Variants in SGMS1 observed in about 807,000 individuals in gnomAD.
SGMS1 encodes the protein sphingomyelin synthase 1.
A neutral mutation model predicts 46.2 loss-of-function variants in SGMS1; 13 were observed. The observed-to-expected ratio is 0.28, with a 90% CI of 0.18 to 0.45. The LOEUF (loss-of-function observed/expected upper bound fraction) is 0.45. Among genes scored for constraint, SGMS1 ranks in the 20% least tolerant of loss-of-function variants. The pLI, the probability that SGMS1 is intolerant of heterozygous loss-of-function variation, is 1.00. For missense variants in SGMS1, 324 were observed against 519.9 expected (o/e 0.62, Z 3.66); for synonymous variants, 203 against 187.8 (o/e 1.08, Z -0.66).
intron 5 of SGMS1, among the ~76,000 whole-genome samples, chr10:50,454,251 T>C (rs1417421857): frequency 6.6e-6 from 1 of 152,024 alleles, no homozygotes; most frequent in Non-Finnish European, 1.5e-5. Flanking sequence ...AGTCTGGCCT[T>C]TATCACTCTC....
At chr10:50,346,459 GT>G (rs1285290815) in intron 6 of SGMS1, among the ~76,000 whole-genome samples, 2 of 152,006 alleles carry the variant, frequency 1.3e-5, no homozygotes, top group East Asian at 3.9e-4. Context: ...CCCTGAGTAT[GT>G]TTTTGTGAAA....
chr10:50,600,272 G>A (rs539000632), intron 1 of SGMS1, among the ~76,000 whole-genome samples: 2 of 152,310 alleles, frequency 1.3e-5, no homozygotes, highest in South Asian at 4.1e-4. Context: ...GAAAAGAGAA[G>A]GGCACTTGCT....
chr10:50,305,982 A>C lies in SGMS1; in HGVS notation c.*1160T>G, dbSNP rs1847177743. The stretch of plus-strand genomic sequence containing the variant: ...TTCTGCACAAATATCTTTTAAAGAA[A>C]TAGATCTCTTTTTTGTTGTTCACCA... On this transcript the variant is annotated 3_prime_UTR_variant, in exon 11 of 11. Coordinates refer to ENST00000361781, the MANE Select transcript of SGMS1 (RefSeq NM_147156.4). 6.5e-6 allele frequency: 1 copy of C among 152,690 alleles called. No homozygotes were observed. Among genetic ancestry groups the C allele is most frequent in the Admixed American group, 6.5e-5 (1 of 15,286 alleles). 9.5% of individuals were successfully genotyped at this position (152,690 alleles called of 1,614,324 possible). A position where few individuals can be genotyped will look rare whatever the true frequency, so the allele number is the denominator to read the frequency against.
intron 6 of SGMS1, among the ~76,000 whole-genome samples, chr10:50,391,992 G>A (rs1589420834): frequency 6.6e-6 from 1 of 151,966 alleles, no homozygotes; most frequent in South Asian, 2.1e-4. Context: ...GAGTACACAC[G>A]GACAGAAAGA....
intron 6 of SGMS1, among the ~76,000 whole-genome samples, chr10:50,426,682 A>AAGTAATG (rs1446056112): frequency 2.2e-5 from 1 of 45,304 alleles, no homozygotes; most frequent in Non-Finnish European, 5.4e-5. Flanking sequence ...AATGAAACAG[A>AAGTAATG]AAACACCAGA....
At chr10:50,395,170 G>GA (rs202006994) in intron 6 of SGMS1, among the ~76,000 whole-genome samples, 3 of 151,506 alleles carry the variant, frequency 2.0e-5, no homozygotes, top group African/African-American at 4.9e-5. Context: ...ACCTCCCCAA[G>GA]AAAAAAAACA....
chr10:50,513,893 C>A (rs1287626681), intron 3 of SGMS1, among the ~76,000 whole-genome samples: 1 of 152,090 alleles, frequency 6.6e-6, no homozygotes, highest in African/African-American at 2.4e-5. Flanking sequence ...CACAAAATGA[C>A]CCCGAAGAAA....
chr10:50,558,155 G>C (rs1838204063), intron 2 of SGMS1, among the ~76,000 whole-genome samples: 1 of 152,164 alleles, frequency 6.6e-6, no homozygotes, highest in African/African-American at 2.4e-5. Flanking sequence ...GGCTGCAGCT[G>C]TATGCTAGTA....
At chr10:50,366,298 A>G (rs878953890) in intron 6 of SGMS1, among the ~76,000 whole-genome samples, 1 of 152,190 alleles carries the variant, frequency 6.6e-6, no homozygotes, top group Admixed American at 6.5e-5. Context: ...AAGTCAGAAA[A>G]CAATAGATGC....
intron 3 of SGMS1, among the ~76,000 whole-genome samples, chr10:50,495,647 G>A (rs1223446768): frequency 6.6e-6 from 1 of 152,030 alleles, no homozygotes; most frequent in Non-Finnish European, 1.5e-5. Flanking sequence ...AAGCTCTAAG[G>A]TTTAAGTAGG....
intron 6 of SGMS1, among the ~76,000 whole-genome samples, chr10:50,395,152 G>A (rs1428150139): frequency 6.6e-6 from 1 of 152,036 alleles, no homozygotes; most frequent in East Asian, 1.9e-4. Context: ...GTGTGTGTGT[G>A]ATTAGACACC....
In SGMS1 at chr10:50,306,983, G is replaced by GA. The variant is rs1477916281; in HGVS notation, c.*158dup. On this transcript the variant is annotated 3_prime_UTR_variant, in exon 11 of 11. Transcript: ENST00000361781. ...TTGTCCAACGCAGGTCCTTTGGAGAGAAAAAAAGATCACAGTGCTGACCAG... is the reference window on the plus strand; with the variant it reads ...TTGTCCAACGCAGGTCCTTTGGAGAGAAAAAAAAGATCACAGTGCTGACCAG... 5 of 704,992 alleles carry GA rather than the reference G, an allele frequency of 7.1e-6. No individual in the cohort carries two copies. Among genetic ancestry groups the GA allele is most frequent in the South Asian group, 2.3e-5 (1 of 43,766 alleles). 43.7% of individuals were successfully genotyped at this position (704,992 alleles called of 1,614,324 possible). A position where few individuals can be genotyped will look rare whatever the true frequency, so the allele number is the denominator to read the frequency against.
intron 2 of SGMS1, among the ~76,000 whole-genome samples, chr10:50,522,500 A>G (rs866622200): frequency 4.6e-5 from 7 of 152,138 alleles, no homozygotes; most frequent in South Asian, 4.1e-4. Context: ...TATTTTGAAT[A>G]TGAGTCACAA....
intron 6 of SGMS1, among the ~76,000 whole-genome samples, chr10:50,365,688 G>GT (rs1425427205): frequency 6.6e-6 from 1 of 152,078 alleles, no homozygotes; most frequent in Non-Finnish European, 1.5e-5. Context: ...GAGGTATTTG[G>GT]TTTTCTGTTC....
chr10:50,497,750 C>T lies in SGMS1; in HGVS notation c.-498+22081G>A, dbSNP rs149888834. Reference sequence around the variant, plus strand: ...CGGAGGTTGCAGTGAGCCAAGATCGCACCATTGCACTCCAGCCTGGGCAAC... The same window carrying T: ...CGGAGGTTGCAGTGAGCCAAGATCGTACCATTGCACTCCAGCCTGGGCAAC... On this transcript the variant is annotated intron_variant, in intron 3 of 10. Coordinates refer to ENST00000361781, the MANE Select transcript of SGMS1 (RefSeq NM_147156.4). 9.8e-3 allele frequency among the ~76,000 whole-genome samples: 1,486 copies of T among 151,974 alleles called. 21 individuals are homozygous for T. Among genetic ancestry groups the T allele is most frequent in the African/African-American group, 0.033 (1,354 of 41,440 alleles).
chr10:50,368,970 G>C (rs1848392800), intron 6 of SGMS1, among the ~76,000 whole-genome samples: 1 of 152,200 alleles, frequency 6.6e-6, no homozygotes, highest in Non-Finnish European at 1.5e-5. Flanking sequence ...ACATAAAAGT[G>C]TTCACAAGTT....
At chr10:50,514,468 T>C (rs1465813332) in intron 3 of SGMS1, among the ~76,000 whole-genome samples, 1 of 152,194 alleles carries the variant, frequency 6.6e-6, no homozygotes, top group African/African-American at 2.4e-5. Context: ...CTCATATGGC[T>C]CTTATGATTA....
chr10:50,495,540 TA>T (rs1278794269), intron 3 of SGMS1, among the ~76,000 whole-genome samples: 1 of 152,106 alleles, frequency 6.6e-6, no homozygotes, highest in Non-Finnish European at 1.5e-5. Context: ...TCCCAATATT[TA>T]AATGTACATA....
At chr10:50,524,869 A>G (rs186390612) in intron 2 of SGMS1, among the ~76,000 whole-genome samples, 78 of 152,290 alleles carry the variant, frequency 5.1e-4, no homozygotes, top group African/African-American at 1.6e-3. Context: ...AAGGGTAAAA[A>G]TAAGATGAGA....
Sources: allele counts gnomAD v4.1 joint callset (sites outside exome capture counted in the v4.1 genomes callset), GRCh38; gene constraint gnomAD v4.1.1; transcripts MANE v1.5; gene names NCBI Gene and HGNC (gene_info 2026-07-23, HGNC 2026-07-21).